The following MAP3K7CL variants were observed in gnomAD, a reference collection of about 807,000 sequenced individuals.
MAP3K7CL encodes MAP3K7 C-terminal-like protein.
MAP3K7CL carries 16 observed loss-of-function variants against 18.6 expected under a neutral mutation model. The observed-to-expected ratio is 0.86, with a 90% CI of 0.58 to 1.31. The LOEUF (loss-of-function observed/expected upper bound fraction) is 1.31. Among genes scored for constraint, MAP3K7CL ranks in the 50% most tolerant of loss-of-function variants. MAP3K7CL has a pLI of 0.00. For synonymous variants in MAP3K7CL, 65 were observed against 66.8 expected (o/e 0.97, Z 0.13); for missense variants, 163 against 174.4 (o/e 0.93, Z 0.37).
At chr21:29,125,782 T>G (rs2086671361), upstream of MAP3K7CL, among the ~76,000 whole-genome samples, 1 of 152,140 alleles carries the variant, frequency 6.6e-6, no homozygotes, top group African/African-American at 2.4e-5. Flanking sequence ...CTGGGAAACC[T>G]TACCTGACAT....
At chr21:29,093,726 T>G (rs2086071847) in intron 4 of MAP3K7CL, among the ~76,000 whole-genome samples, 1 of 151,630 alleles carries the variant, frequency 6.6e-6, no homozygotes, top group Non-Finnish European at 1.5e-5. Flanking sequence ...CTCCTGACCT[T>G]GCGATCCACC....
chr21:29,139,720 G>A (rs1244899561), intron 2 of MAP3K7CL, among the ~76,000 whole-genome samples: 1 of 151,948 alleles, frequency 6.6e-6, no homozygotes, highest in Non-Finnish European at 1.5e-5. Context: ...GAGTAGCTGG[G>A]ATTATAGGCA....
At chr21:29,148,840 C>T (rs1013272119) in intron 2 of MAP3K7CL, among the ~76,000 whole-genome samples, 1 of 152,160 alleles carries the variant, frequency 6.6e-6, no homozygotes, top group African/African-American at 2.4e-5. Flanking sequence ...TCCTTCTGGC[C>T]ACCTCATTAG....
In MAP3K7CL at chr21:29,136,527, A is replaced by C. The variant is rs143469869; in HGVS notation, c.70+3113A>C. Among the ~76,000 whole-genome samples, 893 of 132,982 alleles carry C rather than the reference A, an allele frequency of 6.7e-3. 16 individuals are homozygous for C. The highest frequency in any genetic ancestry group is 0.023 in the African/African-American group (844 of 36,202). The allele number at this position is 132,982 out of a possible 152,430, so 87.2% of individuals were successfully genotyped here. A position where few individuals can be genotyped will look rare whatever the true frequency, so the allele number is the denominator to read the frequency against. Reference sequence around the variant, plus strand: ...TGTTCATTTTTTTCTTTTCTTTTTTATTTTATTTTTTTTTTGAGACAGAGT... The same window carrying C: ...TGTTCATTTTTTTCTTTTCTTTTTTCTTTTATTTTTTTTTTGAGACAGAGT... On this transcript the variant is annotated intron_variant, in intron 2 of 4. Coordinates refer to ENST00000399928, the MANE Select transcript of MAP3K7CL (RefSeq NM_001286620.2).
chr21:29,159,454 C>A (rs972784284), intron 3 of MAP3K7CL, among the ~76,000 whole-genome samples: 5 of 152,062 alleles, frequency 3.3e-5, no homozygotes, highest in Non-Finnish European at 7.4e-5. Context: ...TTCTTTAGCC[C>A]AAATGCATTT....
intron 4 of MAP3K7CL, among the ~76,000 whole-genome samples, chr21:29,101,147 G>A (rs1456200700): frequency 2.0e-5 from 3 of 152,032 alleles, no homozygotes; most frequent in African/African-American, 7.2e-5. Context: ...CAATCTGGGT[G>A]TGGCTTCGCT....
At chr21:29,081,993 C>A (rs180901135), upstream of MAP3K7CL, among the ~76,000 whole-genome samples, 118 of 152,318 alleles carry the variant, frequency 7.7e-4, no homozygotes, top group Admixed American at 6.1e-3. Flanking sequence ...TGCATCTTAA[C>A]ACCAGTGCAA....
At chr21:29,110,378 GT>G (rs928728922) in intron 4 of MAP3K7CL, among the ~76,000 whole-genome samples, 5 of 151,800 alleles carry the variant, frequency 3.3e-5, no homozygotes, top group African/African-American at 9.7e-5. Context: ...TTATCATCCT[GT>G]TGCTCCGTTT....
chr21:29,116,888 T>C (rs536811177), intron 4 of MAP3K7CL, among the ~76,000 whole-genome samples: 1 of 152,178 alleles, frequency 6.6e-6, no homozygotes, highest in Non-Finnish European at 1.5e-5. Context: ...TTTCCTGATA[T>C]ATAAATAACT....
chr21:29,146,341 T>G (rs1433945792), intron 2 of MAP3K7CL, among the ~76,000 whole-genome samples: 2 of 152,164 alleles, frequency 1.3e-5, no homozygotes, highest in Non-Finnish European at 2.9e-5. Flanking sequence ...GATGTCTAGG[T>G]TATTAAACTT....
intron 1 of MAP3K7CL, among the ~76,000 whole-genome samples, chr21:29,078,867 G>C (rs551650828): frequency 1.3e-5 from 2 of 152,214 alleles, no homozygotes; most frequent in South Asian, 4.1e-4. Context: ...CATGAGACAA[G>C]GCATGGCTAA....
intron 3 of MAP3K7CL, 22 bp downstream of exon 3, chr21:29,149,272 C>T: frequency 6.2e-7 from 1 of 1,603,058 alleles, no homozygotes; most frequent in Non-Finnish European, 8.5e-7. Context: ...TCTAAAGTCT[C>T]TCTTCTTTCC....
At chr21:29,109,289 T>C in intron 4 of MAP3K7CL, 1 of 1,500,140 alleles carries the variant, frequency 6.7e-7, no homozygotes. Flanking sequence ...AATGCTTATT[T>C]TGTGCCCATT....
intron 4 of MAP3K7CL, among the ~76,000 whole-genome samples, chr21:29,162,512 T>C (rs2087574485): frequency 6.6e-6 from 1 of 151,318 alleles, no homozygotes; most frequent in African/African-American, 2.4e-5. Flanking sequence ...CAAAACCCTG[T>C]CTCTACTAAA....
chr21:29,086,436 GAA>G (rs2085927102), intron 1 of MAP3K7CL, among the ~76,000 whole-genome samples: 1 of 152,154 alleles, frequency 6.6e-6, no homozygotes, highest in Non-Finnish European at 1.5e-5. Flanking sequence ...ACCCAGCTTG[GAA>G]AACAGAAAGT....
intron 3 of MAP3K7CL, chr21:29,092,288 C>A: frequency 1.6e-6 from 1 of 640,232 alleles, no homozygotes; most frequent in Non-Finnish European, 2.4e-6. Flanking sequence ...TGATGAGAAA[C>A]CTTTCCAGAT....
intron 4 of MAP3K7CL, among the ~76,000 whole-genome samples, chr21:29,162,312 T>C (rs969395209): frequency 1.1e-5 from 1 of 87,354 alleles, no homozygotes; most frequent in African/African-American, 3.8e-5. Context: ...TATGTGTAGC[T>C]TTTTTTTTTT....
intron 3 of MAP3K7CL, among the ~76,000 whole-genome samples, chr21:29,151,909 T>G (rs1295279802): frequency 1.3e-5 from 2 of 152,236 alleles, no homozygotes; most frequent in East Asian, 3.8e-4. Flanking sequence ...AATTATTTTA[T>G]TCCAATGAAA....
chr21:29,122,581 A>G lies in MAP3K7CL; in HGVS notation c.371-26608A>G, dbSNP rs1030047037. Among the ~76,000 whole-genome samples the G allele has an allele frequency of 5.9e-5, 9 of 152,330 alleles. 1 individual carries two copies. In the Middle Eastern group the frequency reaches 0.01, roughly 173 times the overall value. ...CCCTGGAGTTTGGCCATCCACTGCC[A>G]AACTCTTCTTCGAGGCCCTGCCGTC... On this transcript the variant is annotated intron_variant, in intron 4 of 6. Coordinates refer to the MAP3K7CL transcript ENST00000286791.
Sources: gnomAD v4.1 joint callset for allele counts (sites outside exome capture counted in the v4.1 genomes callset) on GRCh38, gnomAD v4.1.1 for gene constraint, MANE v1.5 for transcripts, NCBI Gene and HGNC (gene_info 2026-07-23, HGNC 2026-07-21) for gene names.